The following MAP3K5 variants were observed in gnomAD, a reference collection of about 807,000 sequenced individuals.
MAP3K5 encodes the protein mitogen-activated protein kinase kinase kinase 5.
Under a neutral mutation model 158.7 loss-of-function variants are expected in MAP3K5, and 56 were observed. The observed-to-expected ratio is 0.35, with a 90% CI of 0.28 to 0.44. The LOEUF is 0.44. Ranked by LOEUF, MAP3K5 falls within the 20% of genes least tolerant of loss-of-function variation. The probability of loss-of-function intolerance (pLI) is 1.00; values close to 1 mark genes in which losing one functional copy is unlikely to be tolerated. For missense variants in MAP3K5, 1,294 were observed against 1,674.8 expected, an observed-to-expected ratio of 0.77 and a Z score of 3.97; for synonymous variants, 579 against 601.7, an observed-to-expected ratio of 0.96 and a Z score of 0.55.
chr6:136,641,963 G>C (rs940963221), intron 12 of MAP3K5, among the ~76,000 whole-genome samples: 15 of 138,696 alleles, frequency 1.1e-4, no homozygotes, highest in African/African-American at 3.8e-4. Flanking sequence ...ACTCCAGCCT[G>C]GGCGAAAACA....
rs1830304144 is a variant in MAP3K5 at position 136,557,557 on chromosome 6, A to T, written c.*201T>A. The T allele has an allele frequency of 3.8e-6, 2 of 522,024 alleles. No individual in the cohort carries two copies. Among genetic ancestry groups the T allele is most frequent in the East Asian group, 3.2e-5 (1 of 31,720 alleles). 32.3% of individuals were successfully genotyped at this position (522,024 alleles called of 1,614,324 possible). On this transcript the variant is annotated 3_prime_UTR_variant, in exon 30 of 30. Transcript: ENST00000359015. ...GATTATTTTAAGAGTCCTTATGAAG[A>T]GTCCTTAAAAATTATAGAAATAGAT...
intron 29 of MAP3K5, 86 bp from the exon 30 acceptor site, chr6:136,557,904 A>T: frequency 1.1e-6 from 1 of 872,458 alleles, no homozygotes; most frequent in Non-Finnish European, 2.0e-6. Flanking sequence ...CTTAGCTTTC[A>T]TCTGCTCTGG....
At chr6:136,733,902 TC>T (rs1782337721) in intron 1 of MAP3K5, among the ~76,000 whole-genome samples, 1 of 152,180 alleles carries the variant, frequency 6.6e-6, no homozygotes, top group Admixed American at 6.5e-5. Flanking sequence ...CACTAAAGTA[TC>T]ATAATTATAG....
intron 26 of MAP3K5, among the ~76,000 whole-genome samples, chr6:136,562,835 T>C (rs1257340846): frequency 2.1e-5 from 3 of 145,322 alleles, no homozygotes; most frequent in Non-Finnish European, 4.5e-5. Context: ...CATGCCTGGC[T>C]AATTTTTTTT....
intron 7 of MAP3K5, among the ~76,000 whole-genome samples, chr6:136,678,481 T>G (rs552761375): frequency 2.0e-3 from 307 of 152,232 alleles, no homozygotes; most frequent in Non-Finnish European, 3.6e-3. Flanking sequence ...GAACAATATG[T>G]AAATCTATAC....
At chr6:136,638,172 G>A (rs6932043) in intron 13 of MAP3K5, among the ~76,000 whole-genome samples, 5,467 of 152,202 alleles carry the variant, frequency 0.036, 330 homozygotes, top group African/African-American at 0.12. Context: ...CACAATGAAT[G>A]AGAGAGAAAA....
chr6:136,636,974 A>C, intron 14 of MAP3K5: 1 of 1,039,642 alleles, frequency 9.6e-7, no homozygotes, highest in Non-Finnish European at 1.2e-6. Flanking sequence ...GGGTGCTATC[A>C]ACCAGAATCT....
chr6:136,697,486 G>T (rs2114671492), intron 4 of MAP3K5, 99 bp from the exon 5 acceptor site: 1 of 954,948 alleles, frequency 1.0e-6, no homozygotes, highest in Non-Finnish European at 1.6e-6. Context: ...TGCAGCATTA[G>T]CTATAAAGCA....
At chr6:136,770,696 G>A (rs77292186) in intron 1 of MAP3K5, among the ~76,000 whole-genome samples, 5,932 of 152,218 alleles carry the variant, frequency 0.039, 129 homozygotes, top group African/African-American at 0.067. Flanking sequence ...ATTCGAGGCC[G>A]CAGTGAGCTA....
chr6:136,611,101 C>T (rs1224613681), intron 18 of MAP3K5, among the ~76,000 whole-genome samples, 181 bp downstream of exon 18: 1 of 96,472 alleles, frequency 1.0e-5, no homozygotes, highest in African/African-American at 4.4e-5. Flanking sequence ...GGGCAAGACC[C>T]TGTCTCAAAA....
chr6:136,714,470 C>T (rs1781438472), intron 2 of MAP3K5, among the ~76,000 whole-genome samples: 1 of 152,172 alleles, frequency 6.6e-6, no homozygotes, highest in Admixed American at 6.5e-5. Flanking sequence ...GTCTAGGTAT[C>T]ACAGAACTGC....
At chr6:136,592,137 A>G in intron 23 of MAP3K5, 36 bp downstream of exon 23, 1 of 1,524,296 alleles carries the variant, frequency 6.6e-7, no homozygotes, top group Non-Finnish European at 8.8e-7. Context: ...AAAATATGTA[A>G]CCTTTGGGAA....
chr6:136,779,098 GAGACC>G (rs1784507955), intron 1 of MAP3K5, among the ~76,000 whole-genome samples: 1 of 152,046 alleles, frequency 6.6e-6, no homozygotes, highest in African/African-American at 2.4e-5. Flanking sequence ...CCAGGAGTTC[GAGACC>G]AGCCTGGCCA....
chr6:136,722,119 T>G (rs1404974998), intron 1 of MAP3K5, among the ~76,000 whole-genome samples: 1 of 152,212 alleles, frequency 6.6e-6, no homozygotes, highest in Non-Finnish European at 1.5e-5. Context: ...TATCTCTATT[T>G]GCAGATGTTG....
intron 19 of MAP3K5, 66 bp downstream of exon 19, chr6:136,605,143 C>T: frequency 6.6e-7 from 1 of 1,507,852 alleles, no homozygotes; most frequent in Non-Finnish European, 9.1e-7. Flanking sequence ...ATGACACACA[C>T]ACACAGAACA....
At chr6:136,693,696 T>C (rs1475794215) in intron 7 of MAP3K5, among the ~76,000 whole-genome samples, 1 of 152,122 alleles carries the variant, frequency 6.6e-6, no homozygotes, top group East Asian at 1.9e-4. Context: ...TTTACTAAAG[T>C]TATAAACTCT....
chr6:136,729,766 A>G (rs78731858), intron 1 of MAP3K5, among the ~76,000 whole-genome samples: 2,032 of 152,352 alleles, frequency 0.013, 67 homozygotes, highest in African/African-American at 0.047. Context: ...GATGGATGAT[A>G]GACTACACAG....
intron 7 of MAP3K5, 21 bp downstream of exon 7, chr6:136,694,119 A>G (rs1421913646): frequency 6.3e-7 from 1 of 1,582,000 alleles, no homozygotes; most frequent in Admixed American, 1.9e-5. Flanking sequence ...TAAGTAGCTC[A>G]TTTATATACT....
chr6:136,601,880 C>T lies in MAP3K5; in HGVS notation c.2779G>A (p.Ala927Thr), dbSNP rs922756941. 6.2e-7 allele frequency: 1 copy of T among 1,614,066 alleles called. No individual in the cohort carries two copies. The highest frequency in any genetic ancestry group is 1.3e-5 in the African/African-American group (1 of 74,944). Residue 927 changes from alanine to threonine, a missense_variant, in exon 20 of 30, where the codon GCC becomes ACC. Physicochemically the swap from Ala to Thr is moderately conservative, Grantham distance 58. Transcript: ENST00000359015. ...TCAACAAGCAAGTCGTTAGCACAGG[C>T]TCTCTTGTCAGGATCTGGTTCAAAA... The part of the protein sequence containing the change: ...KCFEPDPDKR[A>T]CANDLLVDEF...
Sources: allele counts gnomAD v4.1 joint callset (sites outside exome capture counted in the v4.1 genomes callset), GRCh38; gene constraint gnomAD v4.1.1; transcripts MANE v1.5; gene names NCBI Gene and HGNC (gene_info 2026-07-23, HGNC 2026-07-21).